MGAT5: variants seen among roughly 807,000 people sequenced by gnomAD.
MGAT5 encodes alpha-1,6-mannosylglycoprotein 6-beta-N-acetylglucosaminyltransferase A.
In MGAT5, 30 loss-of-function variants were observed where a neutral mutation model predicts 94.3. The observed-to-expected ratio is 0.32, with a 90% CI of 0.24 to 0.43. The LOEUF is 0.43. Ranked by LOEUF, MGAT5 falls within the 20% of genes least tolerant of loss-of-function variation. MGAT5 has a pLI of 1.00. For synonymous variants in MGAT5, 310 were observed against 322.9 expected (o/e 0.96, Z 0.43); for missense variants, 691 against 905.5 (o/e 0.76, Z 3.04).
chr2:134,350,050 G>A (rs1679272666), intron 9 of MGAT5, 112 bp downstream of exon 9: 4 of 1,174,620 alleles, frequency 3.4e-6, no homozygotes, highest in Non-Finnish European at 4.8e-6. Context: ...CTGTAGAAGT[G>A]TGTGCTGTTG....
At chr2:134,396,177 G>A (rs1187905513) in intron 10 of MGAT5, among the ~76,000 whole-genome samples, 1 of 152,160 alleles carries the variant, frequency 6.6e-6, no homozygotes, top group Non-Finnish European at 1.5e-5. Flanking sequence ...AGCCCCACAA[G>A]GTTTGAGTGG....
At chr2:134,330,520 G>A (rs62168052) in intron 4 of MGAT5, among the ~76,000 whole-genome samples, 2,995 of 150,664 alleles carry the variant, frequency 0.02, 51 homozygotes, top group Middle Eastern at 0.045. Context: ...GCTAGTACCC[G>A]TGTTATAAGG....
rs111241903 is a variant in MGAT5 at position 134,174,780 on chromosome 2, G to T, written c.-143+54489G>T. 5.9e-3 allele frequency among the ~76,000 whole-genome samples: 905 copies of T among 152,332 alleles called. 8 individuals are homozygous for T. The highest frequency in any genetic ancestry group is 0.02 in the African/African-American group (826 of 41,572). On this transcript the variant is annotated intron_variant, in intron 1 of 16. Coordinates refer to the MGAT5 transcript ENST00000409645. ...AGGCCAATGCCTGATCTTGGCTGGG[G>T]TGCATAGCTTGCCTAGCGTTGGGCA...
In MGAT5 at chr2:134,436,912, C is replaced by CT. The variant is rs567187830; in HGVS notation, c.1870-4844dup. Among the ~76,000 whole-genome samples, 266 of 152,376 alleles carry CT rather than the reference C, an allele frequency of 1.7e-3. 1 individual carries two copies. Among genetic ancestry groups the CT allele is most frequent in the African/African-American group, 6.2e-3 (259 of 41,594 alleles). On this transcript the variant is annotated intron_variant, in intron 14 of 15. Transcript: ENST00000281923. ...AAGGCTCCCAGTCTGCTCCTTCTGA[C>CT]TTGAAGCACATTCCATCGCCATATC...
chr2:134,249,491 C>T (rs1014958544), upstream of MGAT5, among the ~76,000 whole-genome samples: 1 of 152,160 alleles, frequency 6.6e-6, no homozygotes, highest in African/African-American at 2.4e-5. Context: ...CATTTAATAT[C>T]AATGGAATCA....
chr2:134,263,708 C>G (rs1474337851), intron 1 of MGAT5, among the ~76,000 whole-genome samples: 1 of 152,118 alleles, frequency 6.6e-6, no homozygotes, highest in Non-Finnish European at 1.5e-5. Context: ...ACTGGTGGCA[C>G]TATCTTTGAT....
chr2:134,181,304 A>G (rs779548444), intron 1 of MGAT5, among the ~76,000 whole-genome samples: 64 of 152,208 alleles, frequency 4.2e-4, no homozygotes, highest in Non-Finnish European at 5.1e-4. Context: ...ATCCAGCGTA[A>G]ATAGTAGTGT....
chr2:134,417,440 C>T (rs1366703633), intron 12 of MGAT5, among the ~76,000 whole-genome samples: 1 of 151,954 alleles, frequency 6.6e-6, no homozygotes, highest in African/African-American at 2.4e-5. Flanking sequence ...TCCTTAGTCT[C>T]GTCTGATCTG....
intron 1 of MGAT5, among the ~76,000 whole-genome samples, chr2:134,156,555 G>A (rs1005238444): frequency 6.6e-6 from 1 of 152,182 alleles, no homozygotes; most frequent in Non-Finnish European, 1.5e-5. Flanking sequence ...GATCCCAGTG[G>A]TTTGGTTGTA....
At chr2:134,132,848 T>C (rs933153047) in intron 1 of MGAT5, among the ~76,000 whole-genome samples, 4 of 152,270 alleles carry the variant, frequency 2.6e-5, no homozygotes, top group East Asian at 1.9e-4. Flanking sequence ...CACCCTTCTC[T>C]GTTTACTTGG....
intron 2 of MGAT5, among the ~76,000 whole-genome samples, chr2:134,301,039 AG>A (rs1489938923): frequency 6.6e-6 from 1 of 152,078 alleles, no homozygotes; most frequent in Non-Finnish European, 1.5e-5. Context: ...CATCCCCCAT[AG>A]GCACTCTCTA....
intron 9 of MGAT5, among the ~76,000 whole-genome samples, chr2:134,361,409 A>G (rs1220494370): frequency 1.3e-5 from 2 of 152,226 alleles, no homozygotes; most frequent in African/African-American, 2.4e-5. Context: ...GACAGAATGA[A>G]GGTAGAGGAG....
chr2:134,131,019 C>T (rs1277714168), intron 1 of MGAT5, among the ~76,000 whole-genome samples: 3 of 152,212 alleles, frequency 2.0e-5, no homozygotes, highest in African/African-American at 7.2e-5. Flanking sequence ...CCCTGGGGTC[C>T]CCTTCCATAG....
chr2:134,367,676 G>A (rs1452114035), intron 10 of MGAT5, among the ~76,000 whole-genome samples: 1 of 152,180 alleles, frequency 6.6e-6, no homozygotes, highest in South Asian at 2.1e-4. Flanking sequence ...GGTCTTTCAG[G>A]GTTCTTGATT....
chr2:134,454,154 A>AG lies in MGAT5; in HGVS notation c.*5310dup, dbSNP rs1320401200. 2 of 152,442 alleles carry AG rather than the reference A, an allele frequency of 1.3e-5. No individual in the cohort carries two copies. Among genetic ancestry groups the AG allele is most frequent in the East Asian group, 3.9e-4 (2 of 5,184 alleles). 9.4% of individuals were successfully genotyped at this position (152,442 alleles called of 1,614,324 possible). A position where few individuals can be genotyped will look rare whatever the true frequency, so the allele number is the denominator to read the frequency against. ...AGAACCCTGTGCTTATGTGGTGGGC[A>AG]GGGCCACTGTTGATGGAGGATGGCG... On this transcript the variant is annotated 3_prime_UTR_variant, in exon 16 of 16. Coordinates refer to ENST00000281923, the MANE Select transcript of MGAT5 (RefSeq NM_002410.5).
At position 134,413,031 on chromosome 2, in the gene MGAT5, A is replaced by C. The variant is rs765056722; in HGVS notation, c.1677+16A>C. 2 of 1,613,788 alleles carry C rather than the reference A, an allele frequency of 1.2e-6. No homozygotes were observed. Among genetic ancestry groups the C allele is most frequent in the Non-Finnish European group, 8.5e-7 (1 of 1,179,746 alleles). On this transcript the variant is annotated intron_variant, in intron 12 of 15. Coordinates refer to ENST00000281923, the MANE Select transcript of MGAT5 (RefSeq NM_002410.5). ...TCTGAGAGAGGTAAGCATCTATCAA[A>C]ATTATTCCATTTTGAATAATATGAA...
chr2:134,308,002 G>T (rs1394112506), intron 2 of MGAT5, among the ~76,000 whole-genome samples: 1 of 152,158 alleles, frequency 6.6e-6, no homozygotes, highest in Non-Finnish European at 1.5e-5. Context: ...TGCAGATAGG[G>T]CTAGGAATGG....
chr2:134,411,636 A>G (rs1683668264), intron 11 of MGAT5, among the ~76,000 whole-genome samples: 1 of 152,164 alleles, frequency 6.6e-6, no homozygotes, highest in South Asian at 2.1e-4. Flanking sequence ...GGTTGGCCTG[A>G]CACATGCAGC....
chr2:134,240,785 T>C (rs1681934173), intron 1 of MGAT5, among the ~76,000 whole-genome samples: 1 of 152,252 alleles, frequency 6.6e-6, no homozygotes, highest in African/African-American at 2.4e-5. Context: ...ATGACTGTTA[T>C]AGTCATTTTG....
Sources: allele counts gnomAD v4.1 joint callset (sites outside exome capture counted in the v4.1 genomes callset), GRCh38; gene constraint gnomAD v4.1.1; transcripts MANE v1.5; gene names NCBI Gene and HGNC (gene_info 2026-07-23, HGNC 2026-07-21).